The following KIF13A variants were observed in gnomAD, a reference collection of about 807,000 sequenced individuals.
KIF13A encodes the protein kinesin-like protein KIF13A.
In KIF13A, 79 loss-of-function variants were observed where a neutral mutation model predicts 212.2. The observed-to-expected ratio is 0.37, with a 90% CI of 0.31 to 0.45. The LOEUF is 0.45. Ranked by LOEUF, KIF13A falls within the 20% of genes least tolerant of loss-of-function variation. The probability of loss-of-function intolerance (pLI) is 1.00; values close to 1 mark genes in which losing one functional copy is unlikely to be tolerated. For missense variants in KIF13A, 1,901 were observed against 2,209.0 expected (o/e 0.86, Z 2.79); for synonymous variants, 789 against 808.6 (o/e 0.98, Z 0.41).
rs765476904 is a variant in KIF13A at position 17,849,101 on chromosome 6, C to T, written c.830+276G>A. ...CCTTTTTAGTAGAGATGGGGTTTTG[C>T]CATGTTGGCCAGGCTGGTCTCAAAC... On this transcript the variant is annotated intron_variant, in intron 9 of 38. Coordinates refer to ENST00000259711, the MANE Select transcript of KIF13A (RefSeq NM_022113.6). This position sits in a 1 kb window ranked among gnomAD's most constrained non-coding sequence, Gnocchi z 5.7. Among the ~76,000 whole-genome samples the T allele has an allele frequency of 2.6e-5, 4 of 152,076 alleles. No homozygotes were observed. The highest frequency in any genetic ancestry group is 6.6e-5 in the Admixed American group (1 of 15,246).
At chr6:17,781,055 G>A in intron 30 of KIF13A, 122 bp downstream of exon 30, 1 of 1,399,080 alleles carries the variant, frequency 7.1e-7, no homozygotes, top group Non-Finnish European at 9.9e-7. Flanking sequence ...CAACACAAAT[G>A]TTCTATTTTT....
chr6:17,881,674 C>A, intron 3 of KIF13A: 1 of 330,522 alleles, frequency 3.0e-6, no homozygotes, highest in South Asian at 2.3e-5. Flanking sequence ...TCCAGCCTGG[C>A]GACAGAGCTA....
chr6:17,961,599 C>T lies in KIF13A; in HGVS notation c.146+25455G>A, dbSNP rs142529815. ...ATTGAAGATATTGTTCTCTAAATAA[C>T]ACTAAAAGGACAGAAAGATCCTTCA... On this transcript the variant is annotated intron_variant, in intron 2 of 38. Transcript: ENST00000259711. This position sits in a 1 kb window ranked among gnomAD's most constrained non-coding sequence, Gnocchi z 4.1. Among the ~76,000 whole-genome samples, 1 of 152,256 alleles carries T rather than the reference C, an allele frequency of 6.6e-6. No homozygotes were observed. Among genetic ancestry groups the T allele is most frequent in the Non-Finnish European group, 1.5e-5 (1 of 67,998 alleles).
chr6:17,865,327 A>G (rs1769251865), intron 4 of KIF13A, among the ~76,000 whole-genome samples: 1 of 38,742 alleles, frequency 2.6e-5, no homozygotes, highest in Non-Finnish European at 5.3e-5. Context: ...GAGAGAGAGG[A>G]AAAAAAAAAA....
At chr6:17,759,716 G>GTT (rs1458229557), downstream of KIF13A, 3 of 152,138 alleles carry the variant, frequency 2.0e-5, no homozygotes, top group Admixed American at 6.6e-5. Flanking sequence ...CATGGTAAAG[G>GTT]GTGAACCATT....
chr6:17,812,873 G>A (rs139428656), intron 17 of KIF13A, among the ~76,000 whole-genome samples: 33 of 152,256 alleles, frequency 2.2e-4, no homozygotes, highest in African/African-American at 7.7e-4. Context: ...TAGCCATTCT[G>A]ACTGGTGTGA....
chr6:17,796,876 C>T lies in KIF13A; in HGVS notation c.2791-56G>A. The T allele has an allele frequency of 3.3e-6, 4 of 1,195,810 alleles. No homozygotes were observed. In the South Asian group the frequency reaches 8.4e-5, roughly 25 times the overall value. The allele number at this position is 1,195,810 out of a possible 1,614,324, so 74.1% of individuals were successfully genotyped here. A position where few individuals can be genotyped will look rare whatever the true frequency, so the allele number is the denominator to read the frequency against. ...ATGCTTAAAGGAGTCTGTGAAATTT[C>T]CTTTTGACCTTTCAACTGTTATATT... is the stretch of plus-strand genomic sequence containing the variant. On this transcript the variant is annotated intron_variant, in intron 22 of 38. Transcript: ENST00000259711.
At position 17,789,093 on chromosome 6, in the gene KIF13A, C is replaced by A. The variant is rs1051459836; in HGVS notation, c.3261+779G>T. On this transcript the variant is annotated intron_variant, in intron 26 of 38. Coordinates refer to ENST00000259711, the MANE Select transcript of KIF13A (RefSeq NM_022113.6). This position sits in a 1 kb window ranked among gnomAD's most constrained non-coding sequence, Gnocchi z 4.8. ...CCTTTGAAGATGTGTATGGAGAATC[C>A]GTACAAAGACTGGGAACCGAACCCA... 2.6e-5 allele frequency among the ~76,000 whole-genome samples: 4 copies of A among 152,148 alleles called. No homozygotes were observed. Among genetic ancestry groups the A allele is most frequent in the Non-Finnish European group, 1.5e-5 (1 of 68,034 alleles).
intron 2 of KIF13A, chr6:17,950,655 G>T: frequency 1.0e-6 from 1 of 985,106 alleles, no homozygotes; most frequent in Non-Finnish European, 1.2e-6. Context: ...TCAATCTGAG[G>T]AATTCAACTT....
At chr6:17,937,425 T>A (rs1776562258) in intron 2 of KIF13A, among the ~76,000 whole-genome samples, 1 of 152,218 alleles carries the variant, frequency 6.6e-6, no homozygotes, top group African/African-American at 2.4e-5. Context: ...TACATATGTT[T>A]ATTTTTGTAA....
chr6:17,935,006 C>G (rs941042562), intron 2 of KIF13A, among the ~76,000 whole-genome samples: 1 of 152,132 alleles, frequency 6.6e-6, no homozygotes, highest in African/African-American at 2.4e-5. Context: ...AGGCTTCCCA[C>G]CACGCTAAGG....
At chr6:17,894,575 G>A (rs947963991) in intron 3 of KIF13A, among the ~76,000 whole-genome samples, 4 of 151,692 alleles carry the variant, frequency 2.6e-5, no homozygotes, top group Admixed American at 1.3e-4. Flanking sequence ...ATATAGTCTC[G>A]CTTGTCCCCA....
At position 17,872,704 on chromosome 6, in the gene KIF13A, C is replaced by T. The variant is rs967108285; in HGVS notation, c.220+673G>A. On this transcript the variant is annotated intron_variant, in intron 4 of 38. Transcript: ENST00000259711. This position sits in a 1 kb window ranked among gnomAD's most constrained non-coding sequence, Gnocchi z 4.7. Reference sequence around the variant, plus strand: ...GGTCACCTAGGCTGTGGTGGGACCTCGGCTCACTGCAACCTCTGCCTCCTG... The same window carrying T: ...GGTCACCTAGGCTGTGGTGGGACCTTGGCTCACTGCAACCTCTGCCTCCTG... Among the ~76,000 whole-genome samples the T allele has an allele frequency of 3.9e-5, 6 of 152,088 alleles. No individual in the cohort carries two copies. Among genetic ancestry groups the T allele is most frequent in the South Asian group, 2.1e-4 (1 of 4,832 alleles).
intron 3 of KIF13A, among the ~76,000 whole-genome samples, chr6:17,894,210 C>T (rs773058099): frequency 4.6e-5 from 7 of 151,284 alleles, no homozygotes; most frequent in Non-Finnish European, 7.4e-5. Flanking sequence ...AAGCTTACTA[C>T]AGCCTAAACT....
At chr6:17,950,394 C>G in intron 2 of KIF13A, 1 of 965,536 alleles carries the variant, frequency 1.0e-6, no homozygotes, top group Non-Finnish European at 1.2e-6. Context: ...AATATAATGA[C>G]TCACAGACAT....
In KIF13A at chr6:17,777,948, C is replaced by A. The variant is rs929631315; in HGVS notation, c.4093-594G>T. The stretch of plus-strand genomic sequence containing the variant: ...CAGACAGGAGTTCGAGACCAGCTGG[C>A]CAACATGGTAAAACCCTGTTTCTAC... On this transcript the variant is annotated intron_variant, in intron 33 of 38. Coordinates refer to ENST00000259711, the MANE Select transcript of KIF13A (RefSeq NM_022113.6). This position sits in a 1 kb window ranked among gnomAD's most constrained non-coding sequence, Gnocchi z 4.4. Among the ~76,000 whole-genome samples the A allele has an allele frequency of 2.0e-5, 3 of 151,884 alleles. No individual in the cohort carries two copies. The highest frequency in any genetic ancestry group is 4.4e-5 in the Non-Finnish European group (3 of 68,000).
chr6:17,959,549 C>T (rs1451125207), intron 2 of KIF13A, among the ~76,000 whole-genome samples: 1 of 152,172 alleles, frequency 6.6e-6, no homozygotes, highest in African/African-American at 2.4e-5. Flanking sequence ...TAGAAACAGG[C>T]AGTCAGTGTA....
chr6:17,781,032 C>CT, intron 30 of KIF13A, 126 bp from the exon 31 acceptor site: 1 of 1,359,440 alleles, frequency 7.4e-7, no homozygotes, highest in Non-Finnish European at 1.0e-6. Flanking sequence ...CTTTCCTCAC[C>CT]TTTTTTAAAC....
rs1026843577 is a variant in KIF13A, at chr6:17,963,533, T to A, written c.146+23521A>T. On this transcript the variant is annotated intron_variant, in intron 2 of 38. Transcript: ENST00000259711. The surrounding 1 kb of genome is among the most constrained non-coding windows in gnomAD (Gnocchi z 4.1). The stretch of plus-strand genomic sequence containing the variant: ...TGACCACAAAAGGGCCCCAAGAGAT[T>A]TGAGATTTGTAGGATAGATTTGTTC... 2.6e-5 allele frequency among the ~76,000 whole-genome samples: 4 copies of A among 151,742 alleles called. No individual in the cohort carries two copies. Among genetic ancestry groups the A allele is most frequent in the African/African-American group, 9.6e-5 (4 of 41,476 alleles).
Sources: allele counts gnomAD v4.1 joint callset (sites outside exome capture counted in the v4.1 genomes callset), GRCh38; gene constraint gnomAD v4.1.1; non-coding constraint Gnocchi (gnomAD v3.1); transcripts MANE v1.5; gene names NCBI Gene and HGNC (gene_info 2026-07-23, HGNC 2026-07-21).